Variants in NNT observed in about 807,000 individuals in gnomAD.
NNT encodes the protein nicotinamide nucleotide transhydrogenase.
NNT carries 50 observed loss-of-function variants against 104.8 expected under a neutral mutation model. The ratio of observed to expected loss-of-function variants is 0.48; its 90% CI spans 0.38 to 0.60. NNT has a LOEUF of 0.60. Among genes scored for constraint, NNT ranks in the 20% least tolerant of loss-of-function variants. The pLI is 0.00. For synonymous variants in NNT, 461 were observed against 490.4 expected (o/e 0.94, Z 0.79); for missense variants, 1,131 against 1,330.7 (o/e 0.85, Z 2.33).
chr5:43,658,067 G>A (rs1740150049), intron 16 of NNT, among the ~76,000 whole-genome samples: 2 of 151,996 alleles, frequency 1.3e-5, no homozygotes, highest in African/African-American at 2.4e-5. Flanking sequence ...CCTGGGAGGC[G>A]GAGGTTGCAG....
chr5:43,689,550 A>G (rs898231533), intron 19 of NNT, among the ~76,000 whole-genome samples: 8 of 152,166 alleles, frequency 5.3e-5, no homozygotes, highest in African/African-American at 1.9e-4. Flanking sequence ...TCTTTGATCC[A>G]TCTCGAGTTG....
chr5:43,640,063 A>G (rs1018567886), intron 7 of NNT, among the ~76,000 whole-genome samples: 4 of 151,494 alleles, frequency 2.6e-5, no homozygotes, highest in African/African-American at 7.3e-5. Context: ...TCTTTTATTA[A>G]TTTTCCTGTT....
At position 43,628,354 on chromosome 5, in the gene NNT, G is replaced by A. The variant is rs1750479599; in HGVS notation, c.931G>A (p.Val311Ile). Reference sequence around the variant, plus strand: ...ACTCTTTGCTCAACAATGCAAGGAGGTAGACATCCTTATCAGCACAGCACT... The same window carrying A: ...ACTCTTTGCTCAACAATGCAAGGAGATAGACATCCTTATCAGCACAGCACT... ...MKLFAQQCKE[V>I]DILISTALIP... The change falls in exon 7 of 22, where the codon GTA becomes ATA. Residue 311 changes from valine (V) to isoleucine (I), a missense_variant. Physicochemically the swap from Val to Ile is conservative, Grantham distance 29. Coordinates refer to ENST00000344920, the MANE Select transcript of NNT (RefSeq NM_182977.3). 6 of 1,612,822 alleles carry A rather than the reference G, an allele frequency of 3.7e-6. No individual in the cohort carries two copies. The highest frequency in any genetic ancestry group is 5.1e-6 in the Non-Finnish European group (6 of 1,179,530).
At chr5:43,697,925 A>G (rs1344508300) in intron 19 of NNT, among the ~76,000 whole-genome samples, 1 of 151,490 alleles carries the variant, frequency 6.6e-6, no homozygotes, top group African/African-American at 2.5e-5. Flanking sequence ...ACATGTGGGA[A>G]TCAAGATGAG....
intron 1 of NNT, among the ~76,000 whole-genome samples, chr5:43,604,252 G>C (rs1749089281): frequency 6.6e-6 from 1 of 152,218 alleles, no homozygotes; most frequent in African/African-American, 2.4e-5. Context: ...TGTTTGTCAG[G>C]AGTCTTGTAG....
At position 43,705,523 on chromosome 5, in the gene NNT, G is replaced by A. The variant is rs1007976575; in HGVS notation, c.*1119G>A. The A allele has an allele frequency of 1.3e-5, 2 of 151,010 alleles. No homozygotes were observed. Among genetic ancestry groups the A allele is most frequent in the Non-Finnish European group, 1.5e-5 (1 of 67,646 alleles). The allele number at this position is 151,010 out of a possible 1,614,324, so 9.4% of individuals were successfully genotyped here. On this transcript the variant is annotated 3_prime_UTR_variant, in exon 22 of 22. Transcript: ENST00000344920. Reference sequence around the variant, plus strand: ...AGATTTTCTTTGTGACTTTGCTATCGTGCCTAAAGCTCTAAATATAGGTGA... The same window carrying A: ...AGATTTTCTTTGTGACTTTGCTATCATGCCTAAAGCTCTAAATATAGGTGA...
intron 4 of NNT, among the ~76,000 whole-genome samples, chr5:43,618,249 C>T (rs1372370399): frequency 6.6e-6 from 1 of 152,132 alleles, no homozygotes; most frequent in Non-Finnish European, 1.5e-5. Flanking sequence ...CTCATTTAGT[C>T]CTCACGACCC....
At position 43,623,900 on chromosome 5, in the gene NNT, A is replaced by T. The variant is rs146219522; in HGVS notation, c.688-132A>T. 3.4e-5 allele frequency: 28 copies of T among 815,126 alleles called. No homozygotes were observed. In the African/African-American group the frequency reaches 3.5e-4, roughly 10 times the overall value. The allele number at this position is 815,126 out of a possible 1,614,324, so 50.5% of individuals were successfully genotyped here. ...TACTCCATACAGTTACTAAGGGCTG[A>T]TCATCATTATCACCATCTGCACCGC... On this transcript the variant is annotated intron_variant, in intron 5 of 21. Transcript: ENST00000344920.
intron 10 of NNT, 34 bp from the exon 11 acceptor site, chr5:43,649,113 C>T (rs1731607599): frequency 1.2e-6 from 2 of 1,608,362 alleles, no homozygotes; most frequent in Admixed American, 3.3e-5. Flanking sequence ...AACTGGATGT[C>T]AGCTCAAACA....
At position 43,644,591 on chromosome 5, in the gene NNT, C is replaced by T. The variant is rs1351331316; in HGVS notation, c.1099-20C>T. On this transcript the variant is annotated intron_variant, in intron 8 of 21. Transcript: ENST00000344920. ...AACATAGGGTGATAGACCTTTTTGACTATAATTTTGTTCATTTAGGGAATT... is the reference window on the plus strand; with the variant it reads ...AACATAGGGTGATAGACCTTTTTGATTATAATTTTGTTCATTTAGGGAATT... The T allele has an allele frequency of 2.5e-6, 4 of 1,587,896 alleles. No individual in the cohort carries two copies. Among genetic ancestry groups the T allele is most frequent in the Admixed American group, 1.8e-5 (1 of 54,450 alleles).
chr5:43,664,449 G>A (rs1740522634), intron 17 of NNT, among the ~76,000 whole-genome samples: 1 of 152,180 alleles, frequency 6.6e-6, no homozygotes, highest in African/African-American at 2.4e-5. Flanking sequence ...TATCTACAAA[G>A]CATTGAAATG....
intron 2 of NNT, among the ~76,000 whole-genome samples, chr5:43,612,366 C>A (rs945662570): frequency 6.6e-6 from 1 of 152,132 alleles, no homozygotes; most frequent in Non-Finnish European, 1.5e-5. Context: ...GTTGCTGATC[C>A]CTTGTCTAAG....
intron 7 of NNT, among the ~76,000 whole-genome samples, chr5:43,639,824 A>AT (rs1751127383): frequency 6.6e-6 from 1 of 152,140 alleles, no homozygotes; most frequent in African/African-American, 2.4e-5. Flanking sequence ...ATAAAGTTGG[A>AT]TATCATGCCA....
intron 7 of NNT, 151 bp downstream of exon 7, chr5:43,628,538 A>G (rs762555091): frequency 2.8e-4 from 174 of 613,908 alleles, no homozygotes; most frequent in Non-Finnish European, 3.3e-4. Context: ...GAGAAAATAT[A>G]TGACAAAATT....
chr5:43,607,340 G>C (rs956872411), intron 1 of NNT, among the ~76,000 whole-genome samples: 1 of 152,144 alleles, frequency 6.6e-6, no homozygotes, highest in Middle Eastern at 3.2e-3. Flanking sequence ...CTGATCAATT[G>C]ACCTTGTGAC....
Position 43,691,070 on chromosome 5 carries a change from AGTGTGT to A in NNT, c.2877-9010_2877-9005del, listed in dbSNP as rs56075202. On this transcript the variant is annotated intron_variant, in intron 19 of 21. Coordinates refer to ENST00000344920, the MANE Select transcript of NNT (RefSeq NM_182977.3). ...AACTGATCCAGAATTTTTTTGAGAG[AGTGTGT>A]GTGTGTGTGTGTGTGTGTGTGTGTG... Among the ~76,000 whole-genome samples the A allele has an allele frequency of 5.4e-3, 741 of 137,476 alleles. 4 individuals are homozygous for A. Among genetic ancestry groups the A allele is most frequent in the South Asian group, 9.2e-3 (38 of 4,132 alleles). The allele number at this position is 137,476 out of a possible 152,430, so 90.2% of individuals were successfully genotyped here. A position where few individuals can be genotyped will look rare whatever the true frequency, so the allele number is the denominator to read the frequency against.
chr5:43,696,442 G>C (rs1249050019), intron 19 of NNT, among the ~76,000 whole-genome samples: 1 of 152,182 alleles, frequency 6.6e-6, no homozygotes, highest in Non-Finnish European at 1.5e-5. Context: ...TCATGGAATG[G>C]CATTGAGTTT....
intron 16 of NNT, 51 bp from the exon 17 acceptor site, chr5:43,659,120 G>C: frequency 6.7e-7 from 1 of 1,488,158 alleles, no homozygotes; most frequent in Non-Finnish European, 9.0e-7. Context: ...AATGTCAGAG[G>C]TTTTATTTTT....
chr5:43,678,011 A>G (rs879092623), intron 19 of NNT, among the ~76,000 whole-genome samples: 1 of 152,228 alleles, frequency 6.6e-6, no homozygotes, highest in South Asian at 2.1e-4. Flanking sequence ...TAACATAAAC[A>G]AAATATGTAT....
Sources: allele counts gnomAD v4.1 joint callset (sites outside exome capture counted in the v4.1 genomes callset), GRCh38; gene constraint gnomAD v4.1.1; transcripts MANE v1.5; gene names NCBI Gene and HGNC (gene_info 2026-07-23, HGNC 2026-07-21).